Variants in RANBP2 observed in about 807,000 individuals in gnomAD.
RANBP2 encodes the protein E3 SUMO-protein ligase RanBP2.
RANBP2 carries 57 observed loss-of-function variants against 303.6 expected under a neutral mutation model. The ratio of observed to expected loss-of-function variants is 0.19; its 90% CI spans 0.15 to 0.23. The LOEUF (loss-of-function observed/expected upper bound fraction) is 0.23, where lower values mean the gene tolerates loss of function less well. RANBP2 is among the 10% of genes least tolerant of loss of function. RANBP2 has a pLI of 1.00. For synonymous variants in RANBP2, 1,167 were observed against 1,301.5 expected (o/e 0.90, Z 2.23); for missense variants, 3,138 against 3,780.8 (o/e 0.83, Z 4.46).
the RANBP2 span, among the ~76,000 whole-genome samples, chr2:109,355,862 CTT>C: frequency 6.6e-6 from 1 of 152,196 alleles, no homozygotes; most frequent in African/African-American, 2.4e-5. Flanking sequence ...CTATTTCCTC[CTT>C]CCTTGTCCTT....
At chr2:109,580,134 T>C in the RANBP2 span, among the ~76,000 whole-genome samples, 6 of 150,556 alleles carry the variant, frequency 4.0e-5, no homozygotes, top group Non-Finnish European at 7.4e-5. Context: ...AAAAAGAGTA[T>C]AAGACAAGAA....
chr2:109,062,131 G>C, the RANBP2 span, among the ~76,000 whole-genome samples: 7 of 151,860 alleles, frequency 4.6e-5, no homozygotes, highest in South Asian at 6.2e-4. Context: ...CTCCCAGAGG[G>C]ACAAGCAAAG....
the RANBP2 span, among the ~76,000 whole-genome samples, chr2:108,803,518 A>G: frequency 1.9e-3 from 287 of 152,286 alleles, 3 homozygotes; most frequent in African/African-American, 6.6e-3. Flanking sequence ...CACAGACGTC[A>G]TCATAGCTCA....
At chr2:108,834,288 CT>C in the RANBP2 span, among the ~76,000 whole-genome samples, 1 of 151,136 alleles carries the variant, frequency 6.6e-6, no homozygotes, top group African/African-American at 2.4e-5. Context: ...TCTCGGCTCA[CT>C]GCAACCTCTG....
At chr2:109,744,564 T>G in the RANBP2 span, among the ~76,000 whole-genome samples, 1 of 99,030 alleles carries the variant, frequency 1.0e-5, no homozygotes, top group African/African-American at 2.8e-5. Context: ...GAATTCTTAA[T>G]AGCCAATAAT....
chr2:109,384,763 C>T, the RANBP2 span, among the ~76,000 whole-genome samples: 4 of 152,080 alleles, frequency 2.6e-5, no homozygotes, highest in African/African-American at 9.7e-5. Context: ...CTAAAAGTTT[C>T]GAGCTCTGGT....
chr2:109,670,749 C>A, the RANBP2 span, among the ~76,000 whole-genome samples: 1 of 152,186 alleles, frequency 6.6e-6, no homozygotes, highest in South Asian at 2.1e-4. Flanking sequence ...CTCTGTGTTG[C>A]AGAGACAGCC....
At chr2:109,600,964 C>A in the RANBP2 span, among the ~76,000 whole-genome samples, 1 of 152,166 alleles carries the variant, frequency 6.6e-6, no homozygotes, top group Non-Finnish European at 1.5e-5. Context: ...GTGGAAGAGT[C>A]CCAAGCCCAG....
chr2:109,614,184 C>A, the RANBP2 span: 2 of 1,150,984 alleles, frequency 1.7e-6, no homozygotes, highest in Non-Finnish European at 2.2e-6. Flanking sequence ...GCAGTGATTG[C>A]GGCCCTCGCG....
At chr2:109,216,351 C>T in the RANBP2 span, among the ~76,000 whole-genome samples, 2 of 152,226 alleles carry the variant, frequency 1.3e-5, no homozygotes, top group Non-Finnish European at 2.9e-5. Flanking sequence ...TGTTTCCACA[C>T]CTCACAGCAT....
At chr2:108,752,813 T>C (rs1475795876) in intron 12 of RANBP2, among the ~76,000 whole-genome samples, 185 bp from the exon 13 acceptor site, 3 of 150,046 alleles carry the variant, frequency 2.0e-5, no homozygotes, top group Admixed American at 6.6e-5. Flanking sequence ...AAAAGTTGAG[T>C]GTAGAATGAT....
At chr2:109,124,901 A>T in the RANBP2 span, among the ~76,000 whole-genome samples, 1 of 152,106 alleles carries the variant, frequency 6.6e-6, no homozygotes, top group African/African-American at 2.4e-5. Context: ...TGCAGTGATG[A>T]TTGTCTCATA....
the RANBP2 span, among the ~76,000 whole-genome samples, chr2:108,813,761 T>C: frequency 1.3e-5 from 2 of 152,220 alleles, no homozygotes; most frequent in Non-Finnish European, 1.5e-5. Flanking sequence ...CTTTCCACTA[T>C]CCTAGAAAGT....
the RANBP2 span, among the ~76,000 whole-genome samples, chr2:108,982,420 AGTCCTTTAAGAACTAGGGACATTGGC>A: frequency 6.6e-6 from 1 of 152,370 alleles, no homozygotes; most frequent in South Asian, 2.1e-4. Context: ...GCATGCAGCC[AGTCCTTTAAGAACTAGGGACATTGGC>A]GTTTGCCAGT....
the RANBP2 span, among the ~76,000 whole-genome samples, chr2:109,086,532 C>T: frequency 8.5e-5 from 13 of 152,156 alleles, no homozygotes; most frequent in African/African-American, 2.2e-4. Context: ...TCATGGCAAC[C>T]GAGCTGGGCT....
chr2:109,043,547 C>T, the RANBP2 span, among the ~76,000 whole-genome samples: 1 of 152,126 alleles, frequency 6.6e-6, no homozygotes, highest in Non-Finnish European at 1.5e-5. Flanking sequence ...GTTGGCCAGG[C>T]TGATCTCGAA....
the RANBP2 span, among the ~76,000 whole-genome samples, chr2:109,480,924 C>T: frequency 3.3e-5 from 5 of 152,066 alleles, no homozygotes; most frequent in Non-Finnish European, 4.4e-5. Context: ...CTAGAAGAAG[C>T]GGCAGATAAA....
At chr2:108,989,819 G>A in the RANBP2 span, among the ~76,000 whole-genome samples, 2 of 151,726 alleles carry the variant, frequency 1.3e-5, no homozygotes, top group Admixed American at 1.3e-4. Context: ...AATGATTGGG[G>A]GGGGGAAAAC....
the RANBP2 span, among the ~76,000 whole-genome samples, chr2:108,924,396 C>A: frequency 2.0e-5 from 3 of 152,198 alleles, no homozygotes; most frequent in Admixed American, 1.3e-4. Context: ...TAGCCTGGGC[C>A]CATTTTCCAT....
Sources: gnomAD v4.1 joint callset for allele counts (sites outside exome capture counted in the v4.1 genomes callset) on GRCh38, gnomAD v4.1.1 for gene constraint, MANE v1.5 for transcripts, NCBI Gene and HGNC (gene_info 2026-07-23, HGNC 2026-07-21) for gene names.